MAPK8IP2: variants seen among roughly 807,000 people sequenced by gnomAD.
MAPK8IP2 encodes C-Jun-amino-terminal kinase-interacting protein 2.
MAPK8IP2 carries 15 observed loss-of-function variants against 75.6 expected under a neutral mutation model. The observed-to-expected ratio is 0.20, with a 90% CI of 0.13 to 0.31. The LOEUF is 0.31. Among genes scored for constraint, MAPK8IP2 ranks in the 10% least tolerant of loss-of-function variants. The pLI is 1.00. For synonymous variants in MAPK8IP2, 632 were observed against 554.5 expected, an observed-to-expected ratio of 1.14 and a Z score of -1.96; for missense variants, 1,089 against 1,211.2, an observed-to-expected ratio of 0.90 and a Z score of 1.50.
chr22:50,610,848 C>A lies in MAPK8IP2; in HGVS notation c.*69C>A, dbSNP rs2071137642. 1.4e-6 allele frequency: 2 copies of A among 1,379,472 alleles called. No homozygotes were observed. Among genetic ancestry groups the A allele is most frequent in the Non-Finnish European group, 1.0e-6 (1 of 1,000,380 alleles). The allele number at this position is 1,379,472 out of a possible 1,614,324, so 85.5% of individuals were successfully genotyped here. The stretch of plus-strand genomic sequence containing the variant: ...CTGGGGCTGAGGATGTCTCAAGAGG[C>A]CACCATGGCTTTGGCAAGGACTGGA... On this transcript the variant is annotated 3_prime_UTR_variant, in exon 12 of 12. Transcript: ENST00000329492. This position sits in a 1 kb window ranked among gnomAD's most constrained non-coding sequence, Gnocchi z 4.3.
intron 1 of MAPK8IP2, 50 bp from the exon 2 acceptor site, chr22:50,601,739 A>T: frequency 6.9e-7 from 1 of 1,457,196 alleles, no homozygotes; most frequent in Non-Finnish European, 9.6e-7. Context: ...GCCAGTTGCC[A>T]GGCAGGGAGT....
At position 50,604,680 on chromosome 22, in the gene MAPK8IP2, C is replaced by T; in HGVS notation, c.1381C>T (p.Arg461Ter). ...AAPGRAARPG[R>*]ACSAACSEEE... ...GCCCGGCCGCGCCGCCCGCCCGGGA[C>T]GAGCCTGCTCCGCCGCCTGCTCCGA... The change falls in exon 5 of 12, where the codon CGA (arginine) becomes TGA (stop). Residue 461 changes from arginine (R) to a stop codon, truncating the protein, a stop_gained. Transcript: ENST00000329492. LOFTEE classifies it high-confidence loss of function. 1 of 1,521,894 alleles carries T rather than the reference C, an allele frequency of 6.6e-7. No homozygotes were observed. Among genetic ancestry groups the T allele is most frequent in the Non-Finnish European group, 8.8e-7 (1 of 1,139,094 alleles). 94.3% of individuals were successfully genotyped at this position (1,521,894 alleles called of 1,614,324 possible).
chr22:50,606,392 C>T (rs1171368216), intron 8 of MAPK8IP2, among the ~76,000 whole-genome samples: 1 of 152,270 alleles, frequency 6.6e-6, no homozygotes, highest in African/African-American at 2.4e-5. Context: ...GTCTCTGTTC[C>T]TGGCTCCTGA....
At position 50,603,890 on chromosome 22, in the gene MAPK8IP2, G is replaced by C; in HGVS notation, c.591G>C (p.Gln197His). The C allele has an allele frequency of 6.5e-7, 1 of 1,535,784 alleles. No homozygotes were observed. Among genetic ancestry groups the C allele is most frequent in the Non-Finnish European group, 8.7e-7 (1 of 1,143,828 alleles). ...PATDTGPGGA[Q>H]SPVRPGCDCE... is the part of the protein sequence containing the mutation. ...CGGACACCGGGCCCGGCGGGGCGCA[G>C]TCGCCAGTGCGCCCGGGTTGCGACT... The change falls in exon 5 of 12, where the codon CAG (glutamine) becomes CAC (histidine). Residue 197 changes from glutamine to histidine, a missense_variant. Physicochemically the swap from Gln to His is conservative, Grantham distance 24. Around this residue, in one of 2 missense-constraint regions of MAPK8IP2, gnomAD observed 960 missense variants for 1,009.6 expected, o/e 0.95. Transcript: ENST00000329492.
At chr22:50,601,349 C>A (rs2238834) in intron 1 of MAPK8IP2, 55,894 of 171,542 alleles carry the variant, frequency 0.33, 10,693 homozygotes, top group Non-Finnish European at 0.41. Context: ...TGGGAGGACG[C>A]TGGGCCTCTG....
At chr22:50,605,221 C>A in intron 5 of MAPK8IP2, 147 bp from the exon 6 acceptor site, 1 of 1,079,052 alleles carries the variant, frequency 9.3e-7, no homozygotes, top group Non-Finnish European at 1.4e-6. Flanking sequence ...CATGAGGTGG[C>A]CTGCTCTGCC....
At position 50,604,469 on chromosome 22, in the gene MAPK8IP2, C is replaced by T. The variant is rs889013805; in HGVS notation, c.1170C>T (p.Ala390=). ...PGEPVSPAGG[A]AQDSQDPEAA... ...AGCCCGTGTCGCCGGCCGGCGGGGC[C>T]GCCCAGGACTCCCAGGACCCCGAGG... The change falls in exon 5 of 12, where the codon GCC becomes GCT. Residue 390 remains alanine, a synonymous_variant. Transcript: ENST00000329492. 19 of 1,353,288 alleles carry T rather than the reference C, an allele frequency of 1.4e-5. No homozygotes were observed. In the African/African-American group the frequency reaches 2.2e-4, roughly 15 times the overall value. The allele number at this position is 1,353,288 out of a possible 1,614,324, so 83.8% of individuals were successfully genotyped here.
intron 1 of MAPK8IP2, 82 bp downstream of exon 1, chr22:50,600,965 C>T: frequency 2.5e-6 from 1 of 404,362 alleles, no homozygotes; most frequent in Non-Finnish European, 3.4e-6. Context: ...GGACCCCCGT[C>T]CCCGCCGCCC....
Position 50,604,683 on chromosome 22 carries a change from G to T in MAPK8IP2, c.1384G>T (p.Ala462Ser). ...CGGCCGCGCCGCCCGCCCGGGACGA[G>T]CCTGCTCCGCCGCCTGCTCCGAGGA... ...APGRAARPGRACSAACSEEED... is the reference protein window; with the variant it reads ...APGRAARPGRSCSAACSEEED... Residue 462 changes from alanine to serine, a missense_variant, in exon 5 of 12, where the codon GCC becomes TCC. Physicochemically the swap from Ala to Ser is moderately conservative, Grantham distance 99 (BLOSUM62 1). Around this residue, in one of 2 missense-constraint regions of MAPK8IP2, gnomAD observed 960 missense variants for 1,009.6 expected, o/e 0.95. Transcript: ENST00000329492. The T allele has an allele frequency of 6.6e-7, 1 of 1,524,418 alleles. No homozygotes were observed. The highest frequency in any genetic ancestry group is 8.8e-7 in the Non-Finnish European group (1 of 1,139,770). 94.4% of individuals were successfully genotyped at this position (1,524,418 alleles called of 1,614,324 possible).
chr22:50,605,336 C>G (rs1165187355), intron 5 of MAPK8IP2, 32 bp from the exon 6 acceptor site: 1 of 1,600,570 alleles, frequency 6.2e-7, no homozygotes, highest in Admixed American at 1.7e-5. Flanking sequence ...GTCTCCCTGT[C>G]TCCCCCGCCT....
At chr22:50,605,285 C>T (rs983374842) in intron 5 of MAPK8IP2, 83 bp from the exon 6 acceptor site, 26 of 1,369,800 alleles carry the variant, frequency 1.9e-5, no homozygotes, top group Middle Eastern at 1.8e-4. Flanking sequence ...GGGGACTTGG[C>T]CTCTGCCCAA....
At position 50,612,923 on chromosome 22, in the gene MAPK8IP2, G is replaced by A. The variant is rs1414679464; in HGVS notation, c.*2144G>A. On this transcript the variant is annotated 3_prime_UTR_variant, in exon 12 of 12. Coordinates refer to ENST00000329492, the MANE Select transcript of MAPK8IP2 (RefSeq NM_012324.6). ...GGCCCCGCCCCCCAACGTGTCTTCA[G>A]GTCTCTTTCCCTCCAGCCGGCCCTT... The A allele has an allele frequency of 8.3e-5, 1 of 12,038 alleles. No individual in the cohort carries two copies. Among genetic ancestry groups the A allele is most frequent in the Non-Finnish European group, 1.7e-4 (1 of 5,948 alleles). The allele number at this position is 12,038 out of a possible 1,614,324, so 0.7% of individuals were successfully genotyped here. A position where few individuals can be genotyped will look rare whatever the true frequency, so the allele number is the denominator to read the frequency against.
chr22:50,604,552 C>T lies in MAPK8IP2; in HGVS notation c.1253C>T (p.Pro418Leu), dbSNP rs2071007994. ...GACATGGAGACGCTGTGCGCGCCGC[C>T]GCCGCCCGCGCCCGCCGCGCCTCGA... is the stretch of plus-strand genomic sequence containing the variant. ...LVDMETLCAP[P>L]PPAPAAPRPG... Residue 418 changes from proline (P) to leucine (L), a missense_variant, in exon 5 of 12, where the codon CCG becomes CTG. Around this residue, in one of 2 missense-constraint regions of MAPK8IP2, gnomAD observed 960 missense variants for 1,009.6 expected, o/e 0.95. Transcript: ENST00000329492. The T allele has an allele frequency of 7.0e-6, 8 of 1,149,324 alleles. No individual in the cohort carries two copies. In the East Asian group the frequency reaches 1.8e-4, roughly 26 times the overall value. 71.2% of individuals were successfully genotyped at this position (1,149,324 alleles called of 1,614,324 possible).
In MAPK8IP2 at chr22:50,610,162, C is replaced by A; in HGVS notation, c.2304-50C>A. ...CTCTCTACATCATTTGTGGGGTGGCCAAGGCTGGGCCAGGGCTCTGACGTG... is the reference window on the plus strand; with the variant it reads ...CTCTCTACATCATTTGTGGGGTGGCAAAGGCTGGGCCAGGGCTCTGACGTG... On this transcript the variant is annotated intron_variant, in intron 10 of 11. Transcript: ENST00000329492. The surrounding 1 kb of genome is among the most constrained non-coding windows in gnomAD (Gnocchi z 4.3). The A allele has an allele frequency of 6.9e-7, 1 of 1,445,124 alleles. No homozygotes were observed. The highest frequency in any genetic ancestry group is 9.6e-7 in the Non-Finnish European group (1 of 1,046,424). 89.5% of individuals were successfully genotyped at this position (1,445,124 alleles called of 1,614,324 possible).
Position 50,612,265 on chromosome 22 carries a change from C to T in MAPK8IP2, c.*1486C>T, listed in dbSNP as rs2071162002. ...GCCAGAAGAAAATAGGTGACTTTTT[C>T]ACTATGTGCTTAGGTGACTGCAGAT... On this transcript the variant is annotated 3_prime_UTR_variant, in exon 12 of 12. Coordinates refer to ENST00000329492, the MANE Select transcript of MAPK8IP2 (RefSeq NM_012324.6). 1 of 152,160 alleles carries T rather than the reference C, an allele frequency of 6.6e-6. No homozygotes were observed. The highest frequency in any genetic ancestry group is 1.5e-5 in the Non-Finnish European group (1 of 68,032). 9.4% of individuals were successfully genotyped at this position (152,160 alleles called of 1,614,324 possible).
intron 8 of MAPK8IP2, 148 bp from the exon 9 acceptor site, chr22:50,606,509 CT>C (rs1426164335): frequency 4.5e-6 from 3 of 670,464 alleles, no homozygotes; most frequent in Non-Finnish European, 8.1e-6. Flanking sequence ...GGCCACACCC[CT>C]TATGTCTTCC....
chr22:50,610,241 T>A lies in MAPK8IP2; in HGVS notation c.2333T>A (p.Leu778Gln). 2 of 1,602,584 alleles carry A rather than the reference T, an allele frequency of 1.2e-6. No homozygotes were observed. The highest frequency in any genetic ancestry group is 1.7e-6 in the Non-Finnish European group (2 of 1,175,148). ...CYFGFITKHP[L>Q]LSRFACHVFV... is the part of the protein sequence containing the mutation. Reference sequence around the variant, plus strand: ...TTCGGCTTCATCACCAAACACCCCCTGCTGAGCCGCTTCGCCTGCCACGTC... The same window carrying A: ...TTCGGCTTCATCACCAAACACCCCCAGCTGAGCCGCTTCGCCTGCCACGTC... Residue 778 changes from leucine (L) to glutamine (Q), a missense_variant, in exon 11 of 12, where the codon CTG (leucine) becomes CAG (glutamine). By Grantham distance (113) the Leu-to-Gln change is moderately radical. Coordinates refer to ENST00000329492, the MANE Select transcript of MAPK8IP2 (RefSeq NM_012324.6). This position sits in a 1 kb window ranked among gnomAD's most constrained non-coding sequence, Gnocchi z 4.3.
At chr22:50,601,951 T>C (rs2070945323) in intron 2 of MAPK8IP2, 57 bp downstream of exon 2, 2 of 1,435,182 alleles carry the variant, frequency 1.4e-6, no homozygotes, top group Admixed American at 1.7e-5. Context: ...ATTAGGTTCT[T>C]CTTAGCGTTC....
rs1328167047 is a variant in MAPK8IP2 at position 50,604,802 on chromosome 22, C to T, written c.1503C>T (p.Asp501=). The T allele has an allele frequency of 1.9e-6, 3 of 1,550,384 alleles. No individual in the cohort carries two copies. The highest frequency in any genetic ancestry group is 1.2e-5 in the South Asian group (1 of 84,612). The stretch of plus-strand genomic sequence containing the variant: ...GCACGGGCCCCTCGGCGCCGCGGGA[C>T]GCGTCGCTGGTGTACGACGCGGTCA... ...GRGTGPSAPR[D]ASLVYDAVKY... The change falls in exon 5 of 12, where the codon GAC becomes GAT. Residue 501 remains aspartate (D), a synonymous_variant. Coordinates refer to ENST00000329492, the MANE Select transcript of MAPK8IP2 (RefSeq NM_012324.6).
Sources: allele counts gnomAD v4.1 joint callset (sites outside exome capture counted in the v4.1 genomes callset), GRCh38; gene constraint gnomAD v4.1.1; regional missense constraint gnomAD v4.1.1; non-coding constraint Gnocchi (gnomAD v3.1); transcripts MANE v1.5; gene names NCBI Gene and HGNC (gene_info 2026-07-23, HGNC 2026-07-21).